The following TNS3 variants were observed in gnomAD, a reference collection of about 807,000 sequenced individuals.
The protein encoded by TNS3 is tensin 3.
A neutral mutation model predicts 140.9 loss-of-function variants in TNS3; 45 were observed. That is an observed-to-expected ratio of 0.32 (90% CI 0.25 to 0.41). TNS3 has a LOEUF of 0.41. TNS3 is among the 10% of genes least tolerant of loss of function. The pLI is 1.00. For synonymous variants in TNS3, 815 were observed against 788.4 expected (o/e 1.03, Z -0.56); for missense variants, 1,716 against 1,906.7 (o/e 0.90, Z 1.86).
chr7:47,299,488 T>C (rs1786258124), intron 23 of TNS3, among the ~76,000 whole-genome samples: 1 of 152,200 alleles, frequency 6.6e-6, no homozygotes, highest in Non-Finnish European at 1.5e-5. Context: ...TTACATTTTG[T>C]TTCAACTGTG....
At chr7:47,322,483 C>T (rs930156770) in intron 20 of TNS3, among the ~76,000 whole-genome samples, 2 of 152,040 alleles carry the variant, frequency 1.3e-5, no homozygotes, top group African/African-American at 4.8e-5. Context: ...GATCGCGCCA[C>T]TGCACTCCAG....
chr7:47,375,526 C>A (rs535998220), intron 16 of TNS3, among the ~76,000 whole-genome samples: 62 of 152,344 alleles, frequency 4.1e-4, no homozygotes, highest in African/African-American at 1.1e-3. Context: ...TCCTCACCCA[C>A]CTTCCCTGCA....
chr7:47,327,311 T>C (rs4724564), intron 20 of TNS3, among the ~76,000 whole-genome samples: 39,762 of 152,196 alleles, frequency 0.26, 5,722 homozygotes, highest in South Asian at 0.34. Context: ...TTAGAAATAC[T>C]CTCTTTGCTT....
chr7:47,527,778 G>T (rs938299997), intron 2 of TNS3, among the ~76,000 whole-genome samples: 1 of 152,064 alleles, frequency 6.6e-6, no homozygotes, highest in African/African-American at 2.4e-5. Context: ...GGCATGTGGC[G>T]CATGCCTATA....
At chr7:47,300,841 G>A (rs1562773785) in intron 23 of TNS3, among the ~76,000 whole-genome samples, 1 of 152,232 alleles carries the variant, frequency 6.6e-6, no homozygotes, top group Non-Finnish European at 1.5e-5. Flanking sequence ...TCCGGCCGCA[G>A]AGAGGCCCTC....
intron 1 of TNS3, among the ~76,000 whole-genome samples, chr7:47,529,666 GAC>G (rs1295520571): frequency 6.6e-6 from 1 of 152,230 alleles, no homozygotes; most frequent in Non-Finnish European, 1.5e-5. Flanking sequence ...CAGAAGAAGA[GAC>G]AGTCCAGCCT....
chr7:47,522,801 G>A (rs976856389), intron 2 of TNS3, among the ~76,000 whole-genome samples: 46 of 151,944 alleles, frequency 3.0e-4, no homozygotes, highest in Non-Finnish European at 5.9e-4. Context: ...GGTGGCGGGC[G>A]CCTGTAGTCC....
At chr7:47,460,114 G>A (rs939756939) in intron 4 of TNS3, among the ~76,000 whole-genome samples, 1 of 151,562 alleles carries the variant, frequency 6.6e-6, no homozygotes, top group African/African-American at 2.4e-5. Context: ...TCGGGAGGCT[G>A]AGGCAGGAGA....
At chr7:47,479,049 C>T (rs1256271238) in intron 4 of TNS3, among the ~76,000 whole-genome samples, 1 of 152,112 alleles carries the variant, frequency 6.6e-6, no homozygotes, top group Non-Finnish European at 1.5e-5. Flanking sequence ...ACAGGGAGGC[C>T]GTGTCCTGAC....
chr7:47,327,942 T>C (rs542484498), intron 20 of TNS3, among the ~76,000 whole-genome samples: 2 of 151,822 alleles, frequency 1.3e-5, no homozygotes, highest in South Asian at 2.1e-4. Flanking sequence ...GTGTAGGGAC[T>C]GAGCAGGAAG....
intron 2 of TNS3, among the ~76,000 whole-genome samples, chr7:47,513,823 C>T (rs574583982): frequency 8.5e-4 from 130 of 152,324 alleles, no homozygotes; most frequent in South Asian, 1.5e-3. Context: ...CCTGAACACT[C>T]GGCTCCACAG....
chr7:47,371,254 T>C (rs1791057493), intron 16 of TNS3, among the ~76,000 whole-genome samples: 1 of 152,212 alleles, frequency 6.6e-6, no homozygotes, highest in Admixed American at 6.5e-5. Flanking sequence ...GGTAACAGTC[T>C]CAGTGACAGC....
chr7:47,301,803 C>T (rs1490580949), intron 23 of TNS3, among the ~76,000 whole-genome samples: 1 of 152,106 alleles, frequency 6.6e-6, no homozygotes, highest in African/African-American at 2.4e-5. Flanking sequence ...GTCTCTCCTG[C>T]TTCCTCACCC....
chr7:47,283,648 G>T, intron 28 of TNS3, 49 bp downstream of exon 28: 1 of 1,474,494 alleles, frequency 6.8e-7, no homozygotes, highest in South Asian at 1.5e-5. Flanking sequence ...AGAGGAACGT[G>T]ACAGCCCCGC....
chr7:47,299,797 C>T (rs1166525143), intron 23 of TNS3, among the ~76,000 whole-genome samples: 2 of 152,168 alleles, frequency 1.3e-5, no homozygotes, highest in Non-Finnish European at 2.9e-5. Flanking sequence ...GTTGGAAAAA[C>T]GAGCGTCCAC....
In TNS3 at chr7:47,369,448, C is replaced by T. The variant is rs1349031390; in HGVS notation, c.1198G>A (p.Ala400Thr). 1.9e-6 allele frequency: 3 copies of T among 1,614,194 alleles called. No homozygotes were observed. The highest frequency in any genetic ancestry group is 2.2e-5 in the East Asian group (1 of 44,886). The change falls in exon 17 of 31, where the codon GCC (alanine) becomes ACC (threonine). Residue 400 changes from alanine to threonine, a missense_variant. By Grantham distance (58) the Ala-to-Thr change is moderately conservative (BLOSUM62 0). Around this residue, in one of 3 missense-constraint regions of TNS3, gnomAD observed 1,163 missense variants for 1,182.1 expected, o/e 0.98. Coordinates refer to ENST00000311160, the MANE Select transcript of TNS3 (RefSeq NM_022748.12). ...CGCTCTTCCGTCTTATCCGTCCTGG[C>T]AGAGGCTGTAGAGTGGCCGGAGTCA... ...SSDSGHSTAS[A>T]RTDKTEERLA...
intron 2 of TNS3, among the ~76,000 whole-genome samples, chr7:47,527,215 T>C (rs1034392376): frequency 1.3e-5 from 2 of 152,084 alleles, no homozygotes; most frequent in Non-Finnish European, 2.9e-5. Context: ...GCAGCCTGGG[T>C]GACAGAGCAA....
Position 47,368,645 on chromosome 7 carries a change from G to C in TNS3, c.2001C>G (p.Pro667=), listed in dbSNP as rs906857670. The change falls in exon 17 of 31, where the codon CCC becomes CCG. Residue 667 remains proline, a synonymous_variant. Transcript: ENST00000311160. ...TCACAACCTGGTCTCCTGGAAACCT[G>C]GGTTTGAACGCTTTGCTGGGAGAGG... The part of the protein sequence containing the change: ...QQPSPSKAFK[P]RFPGDQVVNG... 6.2e-7 allele frequency: 1 copy of C among 1,601,518 alleles called. No individual in the cohort carries two copies. Among genetic ancestry groups the C allele is most frequent in the Non-Finnish European group, 8.5e-7 (1 of 1,174,034 alleles).
At chr7:47,500,370 G>GGCA (rs971297490) in intron 3 of TNS3, among the ~76,000 whole-genome samples, 2 of 152,244 alleles carry the variant, frequency 1.3e-5, no homozygotes, top group African/African-American at 4.8e-5. Context: ...GGCAGAGAGA[G>GGCA]GCAGAGCCCG....
Sources: allele counts gnomAD v4.1 joint callset (sites outside exome capture counted in the v4.1 genomes callset), GRCh38; gene constraint gnomAD v4.1.1; regional missense constraint gnomAD v4.1.1; transcripts MANE v1.5; gene names NCBI Gene and HGNC (gene_info 2026-07-23, HGNC 2026-07-21).